The following GSN variants were observed in gnomAD, a reference collection of about 807,000 sequenced individuals.
GSN encodes actin-depolymerizing factor.
Under a neutral mutation model 85.7 loss-of-function variants are expected in GSN, and 56 were observed. The ratio of observed to expected loss-of-function variants is 0.65; its 90% CI spans 0.53 to 0.82. GSN has a LOEUF of 0.82. Ranked by LOEUF, GSN falls within the 40% of genes least tolerant of loss-of-function variation. The probability of loss-of-function intolerance (pLI) is 0.00; values close to 1 mark genes in which losing one functional copy is unlikely to be tolerated. For missense variants in GSN, 857 were observed against 979.8 expected (o/e 0.87, Z 1.67); for synonymous variants, 373 against 399.1 (o/e 0.93, Z 0.78).
At position 121,324,739 on chromosome 9, in the gene GSN, ATCTG is replaced by A. The variant is rs1201593039; in HGVS notation, c.1416+106_1416+109del. On this transcript the variant is annotated intron_variant, in intron 12 of 17. Transcript: ENST00000432226. ...CTCTCATCCATCCATTCGTTTGTCC[ATCTG>A]TCTGTCTGTCCATCCATCCATCCAT... 990 of 709,514 alleles carry A rather than the reference ATCTG, an allele frequency of 1.4e-3. 6 individuals carry two copies. Among genetic ancestry groups the A allele is most frequent in the African/African-American group, 0.013 (755 of 56,800 alleles). The allele number at this position is 709,514 out of a possible 1,614,324, so 44.0% of individuals were successfully genotyped here.
At chr9:121,301,718 G>A (rs1422666918) in intron 2 of GSN, among the ~76,000 whole-genome samples, 1 of 152,072 alleles carries the variant, frequency 6.6e-6, no homozygotes, top group Non-Finnish European at 1.5e-5. Flanking sequence ...AGAAAAAGCT[G>A]AAGAGGGGCT....
intron 6 of GSN, among the ~76,000 whole-genome samples, chr9:121,250,615 G>C (rs1051010812): frequency 6.6e-6 from 1 of 151,770 alleles, no homozygotes; most frequent in African/African-American, 2.4e-5. Context: ...TTGGCTCACT[G>C]CAACCTCTAC....
chr9:121,247,277 G>A (rs1227722306), intron 5 of GSN, among the ~76,000 whole-genome samples: 4 of 152,136 alleles, frequency 2.6e-5, no homozygotes, highest in African/African-American at 9.7e-5. Flanking sequence ...GGAAAGAAAG[G>A]CTATATCAGT....
At chr9:121,234,844 G>A (rs1486768811) in intron 5 of GSN, among the ~76,000 whole-genome samples, 5 of 152,134 alleles carry the variant, frequency 3.3e-5, no homozygotes, top group South Asian at 4.1e-4. Context: ...GTGAGACCCC[G>A]TCTCTAAACA....
intron 2 of GSN, among the ~76,000 whole-genome samples, chr9:121,298,325 G>T (rs1300713907): frequency 6.6e-6 from 1 of 152,134 alleles, no homozygotes; most frequent in Admixed American, 6.5e-5. Flanking sequence ...GTCCTTCAAG[G>T]CCTGGGTCAC....
intron 6 of GSN, among the ~76,000 whole-genome samples, chr9:121,256,026 T>C (rs2054950229): frequency 6.6e-6 from 1 of 152,052 alleles, no homozygotes. Context: ...TAGAGATACC[T>C]ATGAGAGAGA....
Position 121,302,937 on chromosome 9 carries a change from G to A in GSN, c.223G>A (p.Gly75Arg), listed in dbSNP as rs369305328. The change falls in exon 4 of 18, where the codon GGG becomes AGG. Residue 75 changes from glycine (G) to arginine (R), a missense_variant. Coordinates refer to ENST00000432226, the MANE Select transcript of GSN (RefSeq NM_198252.3). ...LGNECSQDES[G>R]AAAIFTVQLD... ...CAATGAGTGCAGCCAGGATGAGAGC[G>A]GGGCGGCCGCCATCTTTACCGTGCA... 5 of 1,613,828 alleles carry A rather than the reference G, an allele frequency of 3.1e-6. No homozygotes were observed. The African/African-American group carries it at 4.0e-5, about 13-fold the overall frequency.
chr9:121,282,282 G>A (rs1193132758), intron 2 of GSN: 2 of 598,696 alleles, frequency 3.3e-6, no homozygotes, highest in Admixed American at 3.1e-5. Context: ...GCTTGTAGAT[G>A]CCAAAGGGCT....
chr9:121,223,953 C>T (rs1490589814), intron 4 of GSN, among the ~76,000 whole-genome samples: 1 of 151,960 alleles, frequency 6.6e-6, no homozygotes, highest in Non-Finnish European at 1.5e-5. Flanking sequence ...CCAACCGTGC[C>T]CAGCCTGAGA....
At chr9:121,275,063 A>G (rs573903993) in intron 1 of GSN, among the ~76,000 whole-genome samples, 1 of 152,354 alleles carries the variant, frequency 6.6e-6, no homozygotes, top group East Asian at 1.9e-4. Flanking sequence ...CTTCAGGAGC[A>G]TCTGAAGCTG....
upstream of GSN, chr9:121,265,132 C>G (rs1258360266): frequency 6.6e-6 from 1 of 152,232 alleles, no homozygotes; most frequent in Admixed American, 6.5e-5. Context: ...TATGAAATCC[C>G]TGTCTCATCC....
intron 2 of GSN, among the ~76,000 whole-genome samples, chr9:121,295,714 G>A (rs2059149795): frequency 2.6e-5 from 4 of 152,300 alleles, no homozygotes; most frequent in African/African-American, 9.6e-5. Context: ...GGTCCCCCAG[G>A]GGGACATGGG....
chr9:121,227,255 G>A (rs1001983896), intron 4 of GSN, among the ~76,000 whole-genome samples: 16 of 152,174 alleles, frequency 1.1e-4, no homozygotes, highest in East Asian at 7.7e-4. Flanking sequence ...TTAGCTAGGC[G>A]TGGTGGTGCG....
intron 2 of GSN, among the ~76,000 whole-genome samples, chr9:121,292,351 G>A (rs2058775879): frequency 6.6e-6 from 1 of 152,164 alleles, no homozygotes; most frequent in Admixed American, 6.5e-5. Context: ...CCCATCCCTG[G>A]TACCAGCCTT....
In GSN at chr9:121,243,925, G is replaced by A. The variant is rs188115077; in HGVS notation, c.-388-4351G>A. ...TGAGTTTTGACCAGCACATATAGTT[G>A]TGTAATTATATCACAATCAAAATGT... is the stretch of plus-strand genomic sequence containing the variant. On this transcript the variant is annotated intron_variant, in intron 5 of 24. Coordinates refer to the GSN transcript ENST00000373823. 1.3e-3 allele frequency among the ~76,000 whole-genome samples: 195 copies of A among 152,292 alleles called. 1 individual carries two copies. Among genetic ancestry groups the A allele is most frequent in the Middle Eastern group, 3.4e-3 (1 of 294 alleles).
In GSN at chr9:121,324,564, C is replaced by CA. The variant is rs1383027699; in HGVS notation, c.1337dup (p.Ser447ValfsTer5). On this transcript the variant is annotated frameshift_variant, in exon 12 of 18. Coordinates refer to ENST00000432226, the MANE Select transcript of GSN (RefSeq NM_198252.3). LOFTEE classifies it high-confidence loss of function. ...CACTTCCCCTTCCAGGCAGGGTGCCCAGTCTACCCAGGATGAGGTCGCTGC... is the reference window on the plus strand; with the variant it reads ...CACTTCCCCTTCCAGGCAGGGTGCCCAAGTCTACCCAGGATGAGGTCGCTGC... 6.5e-7 allele frequency: 1 copy of CA among 1,530,182 alleles called. No homozygotes were observed. Among genetic ancestry groups the CA allele is most frequent in the African/African-American group, 1.4e-5 (1 of 72,744 alleles). The allele number at this position is 1,530,182 out of a possible 1,614,324, so 94.8% of individuals were successfully genotyped here. A position where few individuals can be genotyped will look rare whatever the true frequency, so the allele number is the denominator to read the frequency against.
At chr9:121,271,408 C>T (rs1393976522) in intron 1 of GSN, among the ~76,000 whole-genome samples, 1 of 152,130 alleles carries the variant, frequency 6.6e-6, no homozygotes, top group African/African-American at 2.4e-5. Flanking sequence ...AGCACTGGAA[C>T]ATTAATTACT....
intron 4 of GSN, among the ~76,000 whole-genome samples, chr9:121,224,769 T>G (rs1262404525): frequency 6.9e-6 from 1 of 145,510 alleles, no homozygotes; most frequent in Non-Finnish European, 1.5e-5. Flanking sequence ...AAAAGAAAAC[T>G]GAATTTGTAT....
In GSN at chr9:121,328,997, C is replaced by T; in HGVS notation, c.1869C>T (p.Asn623=). Residue 623 remains asparagine (N), a synonymous_variant, in exon 15 of 18, where the codon AAC becomes AAT. Coordinates refer to ENST00000432226, the MANE Select transcript of GSN (RefSeq NM_198252.3). The part of the protein sequence containing the change: ...AHPPRLFACS[N]KIGRFVIEEV... ...CTCCTCGCCTCTTTGCCTGCTCCAA[C>T]AAGATTGGACGTTTTGTGGTGAGCC... 6.2e-7 allele frequency: 1 copy of T among 1,613,968 alleles called. No individual in the cohort carries two copies. The highest frequency in any genetic ancestry group is 8.5e-7 in the Non-Finnish European group (1 of 1,180,026).
Sources: allele counts gnomAD v4.1 joint callset (sites outside exome capture counted in the v4.1 genomes callset), GRCh38; gene constraint gnomAD v4.1.1; transcripts MANE v1.5; gene names NCBI Gene and HGNC (gene_info 2026-07-23, HGNC 2026-07-21).